USP34: variants seen among roughly 807,000 people sequenced by gnomAD.
USP34 encodes the protein ubiquitin specific peptidase 34.
Under a neutral mutation model 460.3 loss-of-function variants are expected in USP34, and 70 were observed. That is an observed-to-expected ratio of 0.15 (90% CI 0.13 to 0.19). The LOEUF is 0.19. Ranked by LOEUF, USP34 falls within the 10% of genes least tolerant of loss-of-function variation. The probability of loss-of-function intolerance (pLI) is 1.00; values close to 1 mark genes in which losing one functional copy is unlikely to be tolerated. For synonymous variants in USP34, 1,647 were observed against 1,405.3 expected (o/e 1.17, Z -3.85); for missense variants, 3,985 against 4,236.2 (o/e 0.94, Z 1.65).
chr2:61,353,394 G>T (rs59981505), intron 10 of USP34, among the ~76,000 whole-genome samples: 70,797 of 135,166 alleles, frequency 0.52, 17,631 homozygotes, highest in South Asian at 0.73. Flanking sequence ...CTAGACGAAT[G>T]TTTTTTTTTT....
At chr2:61,238,383 T>C (rs971525427) in intron 53 of USP34, among the ~76,000 whole-genome samples, 1 of 152,206 alleles carries the variant, frequency 6.6e-6, no homozygotes, top group Non-Finnish European at 1.5e-5. Flanking sequence ...ACCTCTTCTC[T>C]AACTCTCAAG....
chr2:61,402,394 AGAG>A (rs1397639424), intron 3 of USP34, among the ~76,000 whole-genome samples: 1 of 152,198 alleles, frequency 6.6e-6, no homozygotes, highest in African/African-American at 2.4e-5. Context: ...ACAATAGGAA[AGAG>A]AAGAAGGAAG....
chr2:61,216,504 G>A (rs576195291), intron 67 of USP34, among the ~76,000 whole-genome samples: 5 of 152,234 alleles, frequency 3.3e-5, no homozygotes, highest in African/African-American at 1.2e-4. Flanking sequence ...GGAGGCTGAG[G>A]CAGGAGAATG....
At chr2:61,451,241 A>AAAAAAAAAAAAAAAAAAC (rs1445445968) in intron 1 of USP34, among the ~76,000 whole-genome samples, 1 of 150,174 alleles carries the variant, frequency 6.7e-6, no homozygotes, top group Non-Finnish European at 1.5e-5. Context: ...AAAAAAAAAA[A>AAAAAAAAAAAAAAAAAAC]AAAAGAAATG....
At chr2:61,350,179 C>G in intron 12 of USP34, 81 bp downstream of exon 12, 3 of 1,402,452 alleles carry the variant, frequency 2.1e-6, no homozygotes, top group Non-Finnish European at 2.9e-6. Flanking sequence ...AAAGATTGAA[C>G]TGAATGTATT....
chr2:61,268,578 T>G (rs980943946), intron 41 of USP34, among the ~76,000 whole-genome samples: 1 of 151,984 alleles, frequency 6.6e-6, no homozygotes, highest in Non-Finnish European at 1.5e-5. Flanking sequence ...CCTCTTTTTT[T>G]ATACCCAGCA....
At position 61,367,737 on chromosome 2, in the gene USP34, C is replaced by T. The variant is rs528463500; in HGVS notation, c.1251+2584G>A. On this transcript the variant is annotated intron_variant, in intron 10 of 79. Coordinates refer to ENST00000398571, the MANE Select transcript of USP34 (RefSeq NM_014709.4). ...CAAATTCCTTAGATTAAGCATAGCA[C>T]GAAATAAAAATCTATATACAAATAA... Among the ~76,000 whole-genome samples the T allele has an allele frequency of 2.6e-5, 4 of 151,652 alleles. No individual in the cohort carries two copies. In the South Asian group the frequency reaches 6.2e-4, roughly 24 times the overall value.
Position 61,280,290 on chromosome 2 carries a change from A to G in USP34, c.5210T>C (p.Leu1737Ser). ...TATGTTGTCAACTAATTTGCATAAC[A>G]ACCAAAAATACTCTTTACATCCTGG... is the stretch of plus-strand genomic sequence containing the variant. ...LKPGCKEYFW[L>S]LCKLVDNIHI... is the part of the protein sequence containing the mutation. The change falls in exon 39 of 80, where the codon TTG (leucine) becomes TCG (serine). Residue 1737 changes from leucine to serine, a missense_variant. Transcript: ENST00000398571. The G allele has an allele frequency of 6.4e-7, 1 of 1,563,322 alleles. No homozygotes were observed. Among genetic ancestry groups the G allele is most frequent in the South Asian group, 1.2e-5 (1 of 80,616 alleles).
chr2:61,405,559 A>G, intron 3 of USP34, 149 bp downstream of exon 3: 1 of 839,844 alleles, frequency 1.2e-6, no homozygotes, highest in Non-Finnish European at 1.8e-6. Flanking sequence ...CAAACTGCTG[A>G]AGAAATGCTC....
Position 61,229,670 on chromosome 2 carries a change from C to T in USP34, c.7114-37G>A, listed in dbSNP as rs756946239. On this transcript the variant is annotated intron_variant, in intron 58 of 79. Transcript: ENST00000398571. Reference sequence around the variant, plus strand: ...GAAAAAGATCAAACAAGAGCCAACTCATCAGGTAACAAAGATTTGAAAAAT... The same window carrying T: ...GAAAAAGATCAAACAAGAGCCAACTTATCAGGTAACAAAGATTTGAAAAAT... 7 of 1,532,534 alleles carry T rather than the reference C, an allele frequency of 4.6e-6. No individual in the cohort carries two copies. The Admixed American group carries it at 1.3e-4, about 29-fold the overall frequency. The allele number at this position is 1,532,534 out of a possible 1,614,324, so 94.9% of individuals were successfully genotyped here. A position where few individuals can be genotyped will look rare whatever the true frequency, so the allele number is the denominator to read the frequency against.
At chr2:61,303,591 C>T (rs1690303958) in intron 27 of USP34, among the ~76,000 whole-genome samples, 1 of 151,968 alleles carries the variant, frequency 6.6e-6, no homozygotes, top group African/African-American at 2.4e-5. Flanking sequence ...GACAGAAATT[C>T]TGTATTAAAC....
intron 27 of USP34, among the ~76,000 whole-genome samples, chr2:61,307,557 TA>T (rs994021319): frequency 6.2e-4 from 91 of 146,650 alleles, no homozygotes; most frequent in Middle Eastern, 3.5e-3. Context: ...GGATGTTAAT[TA>T]AAAAAAAAAA....
chr2:61,374,055 C>T (rs1031392485), intron 8 of USP34, among the ~76,000 whole-genome samples: 3 of 151,196 alleles, frequency 2.0e-5, no homozygotes, highest in African/African-American at 7.3e-5. Flanking sequence ...ACTCAGGAGG[C>T]TGAGGCAGCA....
chr2:61,315,221 T>G (rs1339320704), intron 23 of USP34, among the ~76,000 whole-genome samples: 1 of 152,120 alleles, frequency 6.6e-6, no homozygotes, highest in African/African-American at 2.4e-5. Flanking sequence ...AGTACGAAAA[T>G]TCTAGTCCTG....
chr2:61,190,309 G>T lies in USP34; in HGVS notation c.9835C>A (p.Arg3279=). ...GCACTTGCTTTGGAAATTTCAACTC[G>T]GTTGGAGAAATCAGACTGTAGGTTC... The part of the protein sequence containing the change: ...YQNLQSDFSN[R]VEISKASASL... The change falls in exon 78 of 80, where the codon CGA becomes AGA. Residue 3279 remains arginine, a synonymous_variant. Coordinates refer to ENST00000398571, the MANE Select transcript of USP34 (RefSeq NM_014709.4). 1 of 1,613,662 alleles carries T rather than the reference G, an allele frequency of 6.2e-7. No homozygotes were observed. The highest frequency in any genetic ancestry group is 8.5e-7 in the Non-Finnish European group (1 of 1,179,906).
intron 1 of USP34, among the ~76,000 whole-genome samples, chr2:61,430,213 AC>A (rs1489374470): frequency 1.6e-4 from 22 of 136,176 alleles, no homozygotes; most frequent in Admixed American, 6.1e-4. Context: ...AGTCTTCGTC[AC>A]AAAAAAAAAA....
At position 61,223,307 on chromosome 2, in the gene USP34, ATAT is replaced by A. The variant is rs1687641073; in HGVS notation, c.7596-14_7596-12del. 9 of 1,612,218 alleles carry A rather than the reference ATAT, an allele frequency of 5.6e-6. No homozygotes were observed. The highest frequency in any genetic ancestry group is 6.8e-6 in the Non-Finnish European group (8 of 1,179,438). ...GATAATGTCAAATGCCTGAAAGAAA[ATAT>A]TAGTGGAAATAAGTTTTTCTTCCTT... On this transcript the variant is annotated splice_polypyrimidine_tract_variant and intron_variant, in intron 62 of 79. Coordinates refer to ENST00000398571, the MANE Select transcript of USP34 (RefSeq NM_014709.4).
Position 61,407,099 on chromosome 2 carries a change from A to T in USP34, c.132-971T>A, listed in dbSNP as rs531168699. Among the ~76,000 whole-genome samples the T allele has an allele frequency of 1.6e-3, 241 of 152,336 alleles. 1 individual carries two copies. Among genetic ancestry groups the T allele is most frequent in the African/African-American group, 5.4e-3 (223 of 41,576 alleles). ...CTGGCATATGTAGATAATTAAAAGGATCTCAGCCAGGTGCAGTGGTTCACA... is the reference window on the plus strand; with the variant it reads ...CTGGCATATGTAGATAATTAAAAGGTTCTCAGCCAGGTGCAGTGGTTCACA... On this transcript the variant is annotated intron_variant, in intron 2 of 79. Coordinates refer to ENST00000398571, the MANE Select transcript of USP34 (RefSeq NM_014709.4).
rs769402120 is a variant in USP34, at chr2:61,383,377, T to C, written c.754-41A>G. ...AAAAACAACATTAATGCCTAATATG[T>C]GAAATACATATATCTTTCACTAAAC... On this transcript the variant is annotated intron_variant, in intron 5 of 79. Coordinates refer to ENST00000398571, the MANE Select transcript of USP34 (RefSeq NM_014709.4). 1.9e-5 allele frequency: 27 copies of C among 1,411,426 alleles called. No individual in the cohort carries two copies. In the Admixed American group the frequency reaches 5.3e-4, roughly 28 times the overall value. The allele number at this position is 1,411,426 out of a possible 1,614,324, so 87.4% of individuals were successfully genotyped here. A position where few individuals can be genotyped will look rare whatever the true frequency, so the allele number is the denominator to read the frequency against.
Sources: gnomAD v4.1 joint callset for allele counts (sites outside exome capture counted in the v4.1 genomes callset) on GRCh38, gnomAD v4.1.1 for gene constraint, MANE v1.5 for transcripts, NCBI Gene and HGNC (gene_info 2026-07-23, HGNC 2026-07-21) for gene names.